Variants in PCDH15 observed in about 807,000 individuals in gnomAD.
PCDH15 encodes protocadherin-15.
A neutral mutation model predicts 178.5 loss-of-function variants in PCDH15; 129 were observed. That is an observed-to-expected ratio of 0.72 (90% CI 0.63 to 0.84). The LOEUF (loss-of-function observed/expected upper bound fraction) is 0.84, where lower values mean the gene tolerates loss of function less well. Among genes scored for constraint, PCDH15 ranks in the 40% least tolerant of loss-of-function variants. The probability of loss-of-function intolerance (pLI) is 0.00; values close to 1 mark genes in which losing one functional copy is unlikely to be tolerated. For missense variants in PCDH15, 2,230 were observed against 2,099.9 expected (o/e 1.06, Z -1.21); for synonymous variants, 800 against 732.0 (o/e 1.09, Z -1.50).
intron 20 of PCDH15, among the ~76,000 whole-genome samples, chr10:54,018,738 T>A (rs1202471882): frequency 6.6e-6 from 1 of 152,126 alleles, no homozygotes; most frequent in Admixed American, 6.6e-5. Flanking sequence ...TCCTATGGTA[T>A]GATCCTGCAA....
At chr10:53,919,928 A>C (rs1382913541) in intron 25 of PCDH15, among the ~76,000 whole-genome samples, 1 of 152,184 alleles carries the variant, frequency 6.6e-6, no homozygotes, top group East Asian at 1.9e-4. Context: ...TAGAATGGGG[A>C]CAGGGAAAGC....
chr10:53,991,795 G>A (rs1453594611), intron 21 of PCDH15, among the ~76,000 whole-genome samples: 1 of 151,924 alleles, frequency 6.6e-6, no homozygotes. Flanking sequence ...GTCTAGCTCA[G>A]GGATTATAAA....
chr10:55,175,639 C>G lies in PCDH15; in HGVS notation c.-155-8988G>C, dbSNP rs372955742. ...CAAGATTGCGCCACTGCACTCCAGC[C>G]TGGGCAACAGAGAGACTCTGTCTCA... On this transcript the variant is annotated intron_variant, in intron 1 of 5. Transcript: ENST00000458638. Among the ~76,000 whole-genome samples, 38 of 133,870 alleles carry G rather than the reference C, an allele frequency of 2.8e-4. 1 individual carries two copies. The highest frequency in any genetic ancestry group is 1.0e-3 in the African/African-American group (37 of 35,626). The allele number at this position is 133,870 out of a possible 152,430, so 87.8% of individuals were successfully genotyped here.
intron 3 of PCDH15, among the ~76,000 whole-genome samples, chr10:54,857,736 G>C (rs919554669): frequency 6.6e-6 from 1 of 151,974 alleles, no homozygotes; most frequent in Non-Finnish European, 1.5e-5. Flanking sequence ...ACAGGCAAGA[G>C]CCAATGTGCC....
intron 10 of PCDH15, 125 bp downstream of exon 10, chr10:54,213,811 A>T: frequency 1.6e-6 from 1 of 624,710 alleles, no homozygotes; most frequent in Non-Finnish European, 2.8e-6. Context: ...TTTAACAAAA[A>T]ATTGACTGAC....
chr10:54,861,083 A>G (rs998081805), intron 3 of PCDH15, among the ~76,000 whole-genome samples: 4 of 152,140 alleles, frequency 2.6e-5, no homozygotes, highest in Non-Finnish European at 4.4e-5. Context: ...GAGAAATGAA[A>G]TCATGAAAAT....
At chr10:54,725,261 A>G (rs1942310981) in intron 1 of PCDH15, among the ~76,000 whole-genome samples, 1 of 151,072 alleles carries the variant, frequency 6.6e-6, no homozygotes, top group African/African-American at 2.4e-5. Context: ...ATAGTCACAG[A>G]CACTAAAAAC....
intron 2 of PCDH15, among the ~76,000 whole-genome samples, chr10:55,435,438 G>T (rs1839016171): frequency 6.6e-6 from 1 of 152,076 alleles, no homozygotes; most frequent in Non-Finnish European, 1.5e-5. Flanking sequence ...AAATTAGTGA[G>T]AACATTTGGT....
At chr10:54,272,032 ATATAT>A (rs1020055369) in intron 8 of PCDH15, among the ~76,000 whole-genome samples, 1 of 139,644 alleles carries the variant, frequency 7.2e-6, no homozygotes, top group African/African-American at 2.5e-5. Flanking sequence ...TTTATATATA[ATATAT>A]TATATATATA....
At chr10:54,899,151 G>A (rs527674066) in intron 2 of PCDH15, among the ~76,000 whole-genome samples, 8 of 152,174 alleles carry the variant, frequency 5.3e-5, no homozygotes, top group Admixed American at 3.3e-4. Context: ...CTTGCTGGAC[G>A]TAGAGTATTT....
intron 5 of PCDH15, among the ~76,000 whole-genome samples, chr10:54,365,679 T>C (rs1946685931): frequency 1.3e-5 from 2 of 152,108 alleles, no homozygotes; most frequent in Non-Finnish European, 2.9e-5. Flanking sequence ...TGCATAAGAA[T>C]GATCAGCAAC....
intron 18 of PCDH15, among the ~76,000 whole-genome samples, chr10:54,033,243 AC>A (rs1341118032): frequency 6.6e-6 from 1 of 151,922 alleles, no homozygotes; most frequent in Non-Finnish European, 1.5e-5. Context: ...GCATTGCTTA[AC>A]CTTTTTCATT....
intron 2 of PCDH15, among the ~76,000 whole-genome samples, chr10:55,033,287 GCCAAAGC>G (rs1840655918): frequency 6.6e-6 from 1 of 152,078 alleles, no homozygotes; most frequent in African/African-American, 2.4e-5. Flanking sequence ...CGCTCGAGAG[GCCAAAGC>G]CTGGGAGAGC....
intron 1 of PCDH15, among the ~76,000 whole-genome samples, chr10:54,696,387 C>CA (rs1040091933): frequency 3.5e-4 from 53 of 151,996 alleles, no homozygotes; most frequent in African/African-American, 1.2e-3. Flanking sequence ...TGGATGAATA[C>CA]AAAAAAAGTG....
chr10:55,567,239 A>G (rs1284561870), intron 2 of PCDH15, among the ~76,000 whole-genome samples: 1 of 151,974 alleles, frequency 6.6e-6, no homozygotes, highest in African/African-American at 2.4e-5. Flanking sequence ...GCAAAATAAT[A>G]AAGTTGGATC....
intron 25 of PCDH15, among the ~76,000 whole-genome samples, 162 bp from the exon 26 acceptor site, chr10:53,903,532 A>AT (rs1470859926): frequency 6.6e-6 from 1 of 152,182 alleles, no homozygotes; most frequent in African/African-American, 2.4e-5. Flanking sequence ...GGGGACACTG[A>AT]TAATGATGCT....
At chr10:54,600,919 G>A (rs1435645970) in intron 2 of PCDH15, among the ~76,000 whole-genome samples, 1 of 151,926 alleles carries the variant, frequency 6.6e-6, no homozygotes, top group African/African-American at 2.4e-5. Flanking sequence ...CTGTTGGAAG[G>A]GGGTCACTCA....
intron 3 of PCDH15, among the ~76,000 whole-genome samples, chr10:54,521,136 A>C (rs1436755249): frequency 6.6e-6 from 1 of 151,814 alleles, no homozygotes; most frequent in Non-Finnish European, 1.5e-5. Flanking sequence ...TGGGTGCAGT[A>C]CACCAACATG....
chr10:53,830,149 A>G (rs2076934430), intron 30 of PCDH15, among the ~76,000 whole-genome samples: 1 of 152,014 alleles, frequency 6.6e-6, no homozygotes, highest in Admixed American at 6.6e-5. Flanking sequence ...TAAAAATACA[A>G]AAATTAGCCA....
Sources: gnomAD v4.1 joint callset for allele counts (sites outside exome capture counted in the v4.1 genomes callset) on GRCh38, gnomAD v4.1.1 for gene constraint, MANE v1.5 for transcripts, NCBI Gene and HGNC (gene_info 2026-07-23, HGNC 2026-07-21) for gene names.